KCNN1: variants seen among roughly 807,000 people sequenced by gnomAD.
KCNN1 encodes the protein potassium calcium-activated channel subfamily N member 1.
In KCNN1, 20 loss-of-function variants were observed where a neutral mutation model predicts 44.7. The observed-to-expected ratio is 0.45, with a 90% CI of 0.32 to 0.65. The LOEUF is 0.65. KCNN1 is among the 30% of genes least tolerant of loss of function. The pLI is 0.05. For synonymous variants in KCNN1, 324 were observed against 341.7 expected, an observed-to-expected ratio of 0.95 and a Z score of 0.57; for missense variants, 632 against 785.3, an observed-to-expected ratio of 0.80 and a Z score of 2.33.
intron 3 of KCNN1, among the ~76,000 whole-genome samples, chr19:17,981,045 C>T (rs897905035): frequency 1.1e-4 from 16 of 151,382 alleles, no homozygotes; most frequent in Non-Finnish European, 1.8e-4. Context: ...GGTGAAACCC[C>T]GTATCTACTA....
intron 1 of KCNN1, among the ~76,000 whole-genome samples, chr19:17,969,710 A>G (rs925558511): frequency 3.9e-5 from 6 of 152,148 alleles, no homozygotes; most frequent in Non-Finnish European, 8.8e-5. Flanking sequence ...TGCAGAGGCC[A>G]TCGGAGGCCT....
At chr19:17,979,432 CAAAAAAA>C (rs35265456) in intron 3 of KCNN1, among the ~76,000 whole-genome samples, 1 of 48,786 alleles carries the variant, frequency 2.0e-5, no homozygotes, top group African/African-American at 8.3e-5. Flanking sequence ...GACTCCGTCT[CAAAAAAA>C]AAAAAAAAAA....
rs1327696592 is a variant in KCNN1, at chr19:17,974,286, C to A, written c.398C>A (p.Thr133Asn). The change falls in exon 2 of 10, where the codon ACC becomes AAC. Residue 133 changes from threonine (T) to asparagine (N), a missense_variant. Thr to Asn is a moderately conservative substitution (Grantham distance 65). Around this residue, in one of 3 missense-constraint regions of KCNN1, gnomAD observed 235 missense variants for 224.0 expected, o/e 1.05. Coordinates refer to ENST00000684775, the MANE Select transcript of KCNN1 (RefSeq NM_001386974.1). The surrounding 1 kb of genome is among the most constrained non-coding windows in gnomAD (Gnocchi z 7.3). ...ACCGAGCTGTCCTGGGGGGTGTACA[C>A]CAAGGTAGGCGTGGTCCTCCCCCAG... ...TETELSWGVYTKESLYSFALK... is the reference protein window; with the variant it reads ...TETELSWGVYNKESLYSFALK... 5.4e-5 allele frequency: 85 copies of A among 1,560,932 alleles called. No individual in the cohort carries two copies. Among genetic ancestry groups the A allele is most frequent in the Non-Finnish European group, 7.3e-5 (84 of 1,150,720 alleles).
At chr19:17,970,289 A>AT (rs71164333) in intron 1 of KCNN1, among the ~76,000 whole-genome samples, 6 of 56,928 alleles carry the variant, frequency 1.1e-4, no homozygotes, top group Non-Finnish European at 1.9e-4. Flanking sequence ...AGAAGGAATG[A>AT]TTTTTTTTTT....
intron 4 of KCNN1, 107 bp downstream of exon 4, chr19:17,982,234 A>G (rs1450287690): frequency 4.3e-6 from 4 of 933,610 alleles, no homozygotes; most frequent in Non-Finnish European, 6.1e-6. Flanking sequence ...GACCCTGGCC[A>G]TTGCTTCTGT....
chr19:17,962,118 C>T (rs567134672), upstream of KCNN1, among the ~76,000 whole-genome samples: 3 of 152,306 alleles, frequency 2.0e-5, no homozygotes, highest in African/African-American at 7.2e-5. Flanking sequence ...AGGCTAGAGC[C>T]TTCTAGCCTG....
At chr19:17,985,477 T>C in intron 5 of KCNN1, 24 bp downstream of exon 5, 1 of 1,546,242 alleles carries the variant, frequency 6.5e-7, no homozygotes, top group Non-Finnish European at 8.8e-7. Context: ...TCCATGTGTA[T>C]GATCCTGGGA....
In KCNN1 at chr19:17,998,246, C is replaced by T. The variant is rs757389735; in HGVS notation, c.1472C>T (p.Ala491Val). The T allele has an allele frequency of 1.8e-5, 29 of 1,569,702 alleles. No individual in the cohort carries two copies. In the African/African-American group the frequency reaches 2.3e-4, roughly 12 times the overall value. ...RLATLESRLD[A>V]LGASLQALPG... Reference sequence around the variant, plus strand: ...GCCACCCTGGAAAGCCGCTTGGATGCGCTGGGTGCCTCTCTACAGGCCCTG... The same window carrying T: ...GCCACCCTGGAAAGCCGCTTGGATGTGCTGGGTGCCTCTCTACAGGCCCTG... Residue 491 changes from alanine to valine, a missense_variant, in exon 10 of 10, where the codon GCG becomes GTG. Ala to Val is a moderately conservative substitution (Grantham distance 64, BLOSUM62 0). Around this residue, in one of 3 missense-constraint regions of KCNN1, gnomAD observed 237 missense variants for 253.0 expected, o/e 0.94. Coordinates refer to ENST00000684775, the MANE Select transcript of KCNN1 (RefSeq NM_001386974.1). This position sits in a 1 kb window ranked among gnomAD's most constrained non-coding sequence, Gnocchi z 5.4.
chr19:17,969,459 C>T (rs1294700741), intron 1 of KCNN1, among the ~76,000 whole-genome samples: 6 of 152,108 alleles, frequency 3.9e-5, no homozygotes, highest in Admixed American at 1.3e-4. Flanking sequence ...AGTAAGAGCC[C>T]GGTCCACAGT....
chr19:17,976,559 C>T (rs1396357904), intron 3 of KCNN1, among the ~76,000 whole-genome samples: 3 of 151,636 alleles, frequency 2.0e-5, no homozygotes, highest in Admixed American at 2.0e-4. Flanking sequence ...GCTGGGATTA[C>T]AGGCATGTGC....
upstream of KCNN1, among the ~76,000 whole-genome samples, chr19:17,962,374 C>T (rs984719864): frequency 2.0e-5 from 3 of 152,202 alleles, no homozygotes; most frequent in African/African-American, 7.2e-5. Context: ...AGTCCCTCCC[C>T]TCCCATCCTG....
upstream of KCNN1, among the ~76,000 whole-genome samples, chr19:17,964,490 A>G (rs1320394825): frequency 6.6e-6 from 1 of 152,252 alleles, no homozygotes; most frequent in Non-Finnish European, 1.5e-5. The surrounding 1 kb of genome is among the most constrained non-coding windows in gnomAD (Gnocchi z 4.3). Context: ...ACGTTTGCAG[A>G]GGACACAGCC....
chr19:17,998,097 C>T lies in KCNN1; in HGVS notation c.1378-55C>T. 1.3e-6 allele frequency: 2 copies of T among 1,502,178 alleles called. No individual in the cohort carries two copies. Among genetic ancestry groups the T allele is most frequent in the Non-Finnish European group, 1.8e-6 (2 of 1,125,182 alleles). 93.1% of individuals were successfully genotyped at this position (1,502,178 alleles called of 1,614,324 possible). ...TCTGTCATTGGTGTCGTGGTATCGT[C>T]CTTTCCTCTCTCACTCAGCGGCGCC... is the stretch of plus-strand genomic sequence containing the variant. On this transcript the variant is annotated intron_variant, in intron 9 of 9. Transcript: ENST00000684775. This position sits in a 1 kb window ranked among gnomAD's most constrained non-coding sequence, Gnocchi z 5.4.
At chr19:17,996,849 C>T (rs1027917035) in intron 9 of KCNN1, among the ~76,000 whole-genome samples, 1 of 152,164 alleles carries the variant, frequency 6.6e-6, no homozygotes. Context: ...GTGGAGGAAG[C>T]TGGGAGGAAG....
intron 1 of KCNN1, among the ~76,000 whole-genome samples, chr19:17,969,417 A>G (rs1170419943): frequency 2.0e-5 from 3 of 152,152 alleles, no homozygotes; most frequent in South Asian, 2.1e-4. Flanking sequence ...TAGGGATTAA[A>G]TGTGATCACC....
Position 17,993,624 on chromosome 19 carries a change from G to A in KCNN1, c.1377+65G>A. ...GGGGCCCCGGAGCAGATGGGATGGG[G>A]CTCAGCTCCTGCCGGAGGAGGGCAC... On this transcript the variant is annotated intron_variant, in intron 9 of 9. Transcript: ENST00000684775. The surrounding 1 kb of genome is among the most constrained non-coding windows in gnomAD (Gnocchi z 4.5). 1 of 1,305,002 alleles carries A rather than the reference G, an allele frequency of 7.7e-7. No individual in the cohort carries two copies. Among genetic ancestry groups the A allele is most frequent in the Non-Finnish European group, 1.1e-6 (1 of 902,076 alleles). The allele number at this position is 1,305,002 out of a possible 1,614,324, so 80.8% of individuals were successfully genotyped here.
intron 4 of KCNN1, among the ~76,000 whole-genome samples, chr19:17,982,800 G>T (rs2032463005): frequency 6.6e-6 from 1 of 152,152 alleles, no homozygotes; most frequent in African/African-American, 2.4e-5. Flanking sequence ...AAGGGTGAGG[G>T]ATTAAGGAAG....
At chr19:17,984,687 A>G (rs2032534759) in intron 4 of KCNN1, among the ~76,000 whole-genome samples, 1 of 152,074 alleles carries the variant, frequency 6.6e-6, no homozygotes, top group African/African-American at 2.4e-5. Context: ...CCTGGCTGTG[A>G]CCAGGACTAA....
At chr19:17,966,195 CAG>C (rs1228019023), upstream of KCNN1, among the ~76,000 whole-genome samples, 1 of 152,150 alleles carries the variant, frequency 6.6e-6, no homozygotes, top group Non-Finnish European at 1.5e-5. Flanking sequence ...GGGAAGAAAA[CAG>C]ATGGAGGGTG....
Sources: allele counts gnomAD v4.1 joint callset (sites outside exome capture counted in the v4.1 genomes callset), GRCh38; gene constraint gnomAD v4.1.1; regional missense constraint gnomAD v4.1.1; non-coding constraint Gnocchi (gnomAD v3.1); transcripts MANE v1.5; gene names NCBI Gene and HGNC (gene_info 2026-07-23, HGNC 2026-07-21).